SEC24B: variants seen among roughly 807,000 people sequenced by gnomAD.
The protein encoded by SEC24B is SEC24 homolog B, COPII component, also known as protein transport protein Sec24B.
Under a neutral mutation model 142.8 loss-of-function variants are expected in SEC24B, and 45 were observed. The observed-to-expected ratio is 0.32, with a 90% CI of 0.25 to 0.40. SEC24B has a LOEUF of 0.40. Among genes scored for constraint, SEC24B ranks in the 10% least tolerant of loss-of-function variants. The pLI, the probability that SEC24B is intolerant of heterozygous loss-of-function variation, is 1.00. For missense variants in SEC24B, 1,409 were observed against 1,526.8 expected, an observed-to-expected ratio of 0.92 and a Z score of 1.29; for synonymous variants, 574 against 568.2, an observed-to-expected ratio of 1.01 and a Z score of -0.15.
intron 3 of SEC24B, among the ~76,000 whole-genome samples, chr4:109,477,303 T>A (rs1334817876): frequency 6.6e-6 from 1 of 151,980 alleles, no homozygotes; most frequent in Non-Finnish European, 1.5e-5. Context: ...TAGCTTACCA[T>A]ACTTTTTATT....
At chr4:109,434,789 C>T (rs985636367) in intron 1 of SEC24B, among the ~76,000 whole-genome samples, 4 of 152,126 alleles carry the variant, frequency 2.6e-5, no homozygotes, top group African/African-American at 9.7e-5. Context: ...CAGAGTTGGC[C>T]CTGCTTTGAG....
intron 1 of SEC24B, among the ~76,000 whole-genome samples, chr4:109,437,145 A>G (rs574349540): frequency 1.3e-5 from 2 of 152,186 alleles, no homozygotes; most frequent in Non-Finnish European, 2.9e-5. Flanking sequence ...GTCTAACTTC[A>G]GGTAGGTAGT....
At chr4:109,532,524 T>C (rs1725037500) in intron 20 of SEC24B, 115 bp from the exon 21 acceptor site, 2 of 729,818 alleles carry the variant, frequency 2.7e-6, no homozygotes, top group Non-Finnish European at 4.8e-6. Context: ...TTTTATATCA[T>C]GCAAAACTCC....
intron 1 of SEC24B, among the ~76,000 whole-genome samples, chr4:109,442,767 T>A (rs1206028711): frequency 6.6e-6 from 1 of 152,232 alleles, no homozygotes; most frequent in Non-Finnish European, 1.5e-5. Context: ...TTCATTTTTT[T>A]CTTTTTAAAC....
intron 1 of SEC24B, among the ~76,000 whole-genome samples, chr4:109,454,305 G>A (rs1318667521): frequency 1.3e-5 from 2 of 151,956 alleles, no homozygotes; most frequent in Non-Finnish European, 2.9e-5. Context: ...TAGGGAGGCC[G>A]AGGCAGGAGG....
At chr4:109,496,977 A>T (rs1241389068) in intron 6 of SEC24B, among the ~76,000 whole-genome samples, 1 of 152,256 alleles carries the variant, frequency 6.6e-6, no homozygotes, top group Non-Finnish European at 1.5e-5. Flanking sequence ...GGAGAAAAAA[A>T]AATTATTTTG....
At chr4:109,513,886 G>T in intron 10 of SEC24B, 30 bp downstream of exon 10, 2 of 1,364,502 alleles carry the variant, frequency 1.5e-6, no homozygotes, top group South Asian at 2.3e-5. Context: ...ATTTGTTATG[G>T]AACACAATTA....
chr4:109,513,979 T>C (rs1378282283), intron 10 of SEC24B, 123 bp downstream of exon 10: 2 of 613,266 alleles, frequency 3.3e-6, no homozygotes, highest in East Asian at 5.7e-5. Context: ...TAAAAACAAA[T>C]TAATGCTGGA....
At chr4:109,507,889 C>G (rs1736876498) in intron 7 of SEC24B, among the ~76,000 whole-genome samples, 1 of 152,162 alleles carries the variant, frequency 6.6e-6, no homozygotes. Flanking sequence ...AGGTGATCCG[C>G]CCACCTCGTC....
intron 6 of SEC24B, among the ~76,000 whole-genome samples, chr4:109,499,724 C>T (rs563735875): frequency 3.2e-4 from 48 of 152,260 alleles, no homozygotes; most frequent in African/African-American, 1.2e-3. Flanking sequence ...AACAAACCTG[C>T]ACTTCGAGTC....
intron 12 of SEC24B, 140 bp from the exon 13 acceptor site, chr4:109,520,977 A>T (rs1578972532): frequency 8.8e-6 from 5 of 567,288 alleles, no homozygotes; most frequent in African/African-American, 3.9e-5. Flanking sequence ...GGGCAACAAG[A>T]GCAAAACTCC....
Position 109,510,048 on chromosome 4 carries a change from G to T in SEC24B, c.1713G>T (p.Gln571His). ...RCTLTNIPQT[Q>H]ALLNKAKLPL... ...CTTTGACAAATATTCCACAGACACAGGCTTTACTGAATAAAGCTAAGCTTC... is the reference window on the plus strand; with the variant it reads ...CTTTGACAAATATTCCACAGACACATGCTTTACTGAATAAAGCTAAGCTTC... Residue 571 changes from glutamine to histidine, a missense_variant, in exon 8 of 24, where the codon CAG (glutamine) becomes CAT (histidine). Coordinates refer to ENST00000265175, the MANE Select transcript of SEC24B (RefSeq NM_006323.5). 6.2e-7 allele frequency: 1 copy of T among 1,610,302 alleles called. No individual in the cohort carries two copies. Among genetic ancestry groups the T allele is most frequent in the Non-Finnish European group, 8.5e-7 (1 of 1,178,618 alleles).
rs141577068 is a variant in SEC24B at position 109,454,198 on chromosome 4, G to A, written c.134-8703G>A. ...AAAGTCAAGTTTCTCAATATTTTAT[G>A]TTGCTGACTATGCTTTGAGTATCAT... On this transcript the variant is annotated intron_variant, in intron 1 of 23. Transcript: ENST00000265175. 5.3e-3 allele frequency among the ~76,000 whole-genome samples: 803 copies of A among 152,052 alleles called. 34 individuals are homozygous for A. The South Asian group carries it at 0.079, about 15-fold the overall frequency.
At chr4:109,466,702 A>ACG (rs1561093282) in intron 2 of SEC24B, among the ~76,000 whole-genome samples, 1 of 152,108 alleles carries the variant, frequency 6.6e-6, no homozygotes, top group East Asian at 1.9e-4. Context: ...GAGCCACTGC[A>ACG]CCCGGCCAAT....
intron 18 of SEC24B, among the ~76,000 whole-genome samples, chr4:109,528,647 T>C (rs1724537432): frequency 6.6e-6 from 1 of 152,182 alleles, no homozygotes; most frequent in South Asian, 2.1e-4. Context: ...ATAACCACTA[T>C]AGAACTGTAC....
At chr4:109,503,690 CTTTG>C (rs1394974842) in intron 6 of SEC24B, among the ~76,000 whole-genome samples, 8 of 152,062 alleles carry the variant, frequency 5.3e-5, no homozygotes, top group South Asian at 2.1e-4. Context: ...TTGTTTTTAC[CTTTG>C]TTTGTATCCT....
chr4:109,460,836 A>G (rs1430895728), intron 1 of SEC24B, among the ~76,000 whole-genome samples: 3 of 151,532 alleles, frequency 2.0e-5, no homozygotes, highest in South Asian at 2.1e-4. Context: ...AATATATGCT[A>G]TACTTATCAA....
chr4:109,493,743 C>T (rs1482255482), intron 5 of SEC24B, among the ~76,000 whole-genome samples: 2 of 151,774 alleles, frequency 1.3e-5, no homozygotes, highest in African/African-American at 2.4e-5. Flanking sequence ...ACTACAGGTG[C>T]CTGCCACCAT....
chr4:109,449,968 A>C (rs532541849), intron 1 of SEC24B, among the ~76,000 whole-genome samples: 1 of 152,240 alleles, frequency 6.6e-6, no homozygotes, highest in South Asian at 2.1e-4. Context: ...TAATCTCAGC[A>C]CTTTGGGAGG....
Sources: gnomAD v4.1 joint callset for allele counts (sites outside exome capture counted in the v4.1 genomes callset) on GRCh38, gnomAD v4.1.1 for gene constraint, MANE v1.5 for transcripts, NCBI Gene and HGNC (gene_info 2026-07-23, HGNC 2026-07-21) for gene names.